The following CNKSR2 variants were observed in gnomAD, a reference collection of about 807,000 sequenced individuals.
CNKSR2 encodes the protein CNK homolog protein 2.
A neutral mutation model predicts 84.4 loss-of-function variants in CNKSR2; 14 were observed. That is an observed-to-expected ratio of 0.17 (90% CI 0.11 to 0.26). The LOEUF is 0.26. Ranked by LOEUF, CNKSR2 falls within the 10% of genes least tolerant of loss-of-function variation. CNKSR2 has a pLI of 1.00. For synonymous variants in CNKSR2, 275 were observed against 277.9 expected, an observed-to-expected ratio of 0.99 and a Z score of 0.10; for missense variants, 485 against 771.2, an observed-to-expected ratio of 0.63 and a Z score of 4.40.
intron 11 of CNKSR2, among the ~76,000 whole-genome samples, chrX:21,554,054 A>C (rs1165884332): frequency 1.8e-5 from 2 of 111,638 alleles, no homozygotes; most frequent in African/African-American, 6.5e-5. Flanking sequence ...CTATGAACAG[A>C]GACAACATTT....
intron 20 of CNKSR2, chrX:21,641,573 A>G (rs1296964659): frequency 8.5e-7 from 1 of 1,172,073 alleles, no homozygotes; most frequent in Non-Finnish European, 1.1e-6. Context: ...CTCCATGCCA[A>G]ATCGGATCCA....
rs770084913 is a variant in CNKSR2 at position 21,609,559 on chromosome X, A to AGAG, written c.2655_2657dup (p.Glu886dup). On this transcript the variant is annotated inframe_insertion, in exon 20 of 22. Coordinates refer to ENST00000379510, the MANE Select transcript of CNKSR2 (RefSeq NM_014927.5). ...ACGTGCAACCCCCAGAGGTGGAGGAAGAGGAGGAGGAGGAGGAGGAGGAAG... is the reference window on the plus strand; with the variant it reads ...ACGTGCAACCCCCAGAGGTGGAGGAAGAGGAGGAGGAGGAGGAGGAGGAGGAAG... 206 of 1,204,093 alleles carry AGAG rather than the reference A, an allele frequency of 1.7e-4. No homozygotes were observed. The highest frequency in any genetic ancestry group is 1.2e-3 in the Middle Eastern group (5 of 4,334).
At chrX:21,398,003 T>C (rs2090141307) in intron 1 of CNKSR2, among the ~76,000 whole-genome samples, 1 of 112,059 alleles carries the variant, frequency 8.9e-6, no homozygotes, top group Non-Finnish European at 1.9e-5. Context: ...TACTTCTATA[T>C]AGTAGACTTT....
intron 1 of CNKSR2, among the ~76,000 whole-genome samples, chrX:21,382,307 TTAA>T (rs1253959525): frequency 8.9e-6 from 1 of 111,912 alleles, no homozygotes; most frequent in Non-Finnish European, 1.9e-5. Flanking sequence ...TTACAAAATA[TTAA>T]TAATTTCAGG....
chrX:21,585,884 G>C (rs1339811106), intron 13 of CNKSR2, among the ~76,000 whole-genome samples: 1 of 111,771 alleles, frequency 8.9e-6, no homozygotes, highest in Non-Finnish European at 1.9e-5. Flanking sequence ...AATTTTTAGA[G>C]AATTGGACTT....
intron 2 of CNKSR2, chrX:21,427,165 C>G (rs2090576623): frequency 8.8e-6 from 1 of 113,865 alleles, no homozygotes; most frequent in East Asian, 2.8e-4. Flanking sequence ...AGCTTTAATC[C>G]CTGTACAGTT....
intron 9 of CNKSR2, 148 bp downstream of exon 9, chrX:21,516,779 T>C: frequency 2.2e-6 from 1 of 459,378 alleles, no homozygotes; most frequent in Non-Finnish European, 3.5e-6. Context: ...TCTTCACAGC[T>C]ATTCTAATAG....
At chrX:21,429,669 G>A (rs2090609315) in intron 2 of CNKSR2, 1 of 111,388 alleles carries the variant, frequency 9.0e-6, no homozygotes, top group Non-Finnish European at 1.9e-5. Context: ...AGCCTGAGGA[G>A]GGCAGATCAC....
At chrX:21,606,648 G>A in intron 18 of CNKSR2, 131 bp from the exon 19 acceptor site, 1 of 411,044 alleles carries the variant, frequency 2.4e-6, no homozygotes, top group South Asian at 5.7e-5. Context: ...CCAAGGGTAA[G>A]GTAGTGCTGG....
chrX:21,473,676 A>C (rs1167447503), intron 5 of CNKSR2, among the ~76,000 whole-genome samples: 1 of 105,655 alleles, frequency 9.5e-6, no homozygotes, highest in Admixed American at 1.0e-4. Flanking sequence ...ATAATCTGGT[A>C]GTTCTCTTTC....
intron 1 of CNKSR2, among the ~76,000 whole-genome samples, chrX:21,376,132 C>T (rs950134961): frequency 1.8e-5 from 2 of 112,311 alleles, no homozygotes; most frequent in African/African-American, 6.5e-5. Flanking sequence ...ATGAAGGAGC[C>T]CCTTCTTGGG....
At chrX:21,460,487 A>G (rs2091048201) in intron 4 of CNKSR2, among the ~76,000 whole-genome samples, 1 of 112,171 alleles carries the variant, frequency 8.9e-6, no homozygotes, top group South Asian at 3.7e-4. Flanking sequence ...ATGTATTCAT[A>G]ATCACATCAT....
At chrX:21,510,174 C>A (rs767705481) in intron 8 of CNKSR2, among the ~76,000 whole-genome samples, 1 of 111,658 alleles carries the variant, frequency 9.0e-6, no homozygotes, top group South Asian at 3.7e-4. Context: ...GTATCATCTA[C>A]ATTACATCCT....
chrX:21,643,399 G>T (rs1428286700), intron 20 of CNKSR2: 1 of 111,579 alleles, frequency 9.0e-6, no homozygotes, highest in African/African-American at 3.3e-5. Flanking sequence ...TAATTTAACA[G>T]AAATTACATG....
At chrX:21,477,506 C>T (rs1372893375) in intron 5 of CNKSR2, among the ~76,000 whole-genome samples, 1 of 110,094 alleles carries the variant, frequency 9.1e-6, no homozygotes, top group Non-Finnish European at 1.9e-5. Context: ...ATTTCATAAA[C>T]ATTCTTTGTA....
intron 1 of CNKSR2, among the ~76,000 whole-genome samples, chrX:21,420,459 T>C (rs934002930): frequency 8.9e-6 from 1 of 112,219 alleles, no homozygotes; most frequent in African/African-American, 3.2e-5. Context: ...TTCTGCTTTT[T>C]TGAAGCAGAA....
At position 21,627,288 on chromosome X, in the gene CNKSR2, C is replaced by T. The variant is rs774881670; in HGVS notation, c.2692+17671C>T. ...CAGGTGGATAATGAGGTCAGGAGAT[C>T]GAGACCATCCTGGCTAACATGGTGA... On this transcript the variant is annotated intron_variant, in intron 20 of 21. Transcript: ENST00000379510. Among the ~76,000 whole-genome samples, 141 of 108,804 alleles carry T rather than the reference C, an allele frequency of 1.3e-3. 5 individuals carry two copies. Among genetic ancestry groups the T allele is most frequent in the Non-Finnish European group, 8.8e-4 (46 of 52,346 alleles). 94.5% of individuals were successfully genotyped at this position (108,804 alleles called of 115,157 possible).
In CNKSR2 at chrX:21,496,996, T is replaced by A. The variant is rs188444512; in HGVS notation, c.682-791T>A. Among the ~76,000 whole-genome samples the A allele has an allele frequency of 2.7e-5, 3 of 111,223 alleles. No homozygotes were observed. The Admixed American group carries it at 2.9e-4, about 11-fold the overall frequency. On this transcript the variant is annotated intron_variant, in intron 6 of 21. Transcript: ENST00000379510. ...AATTATTTAATATTAAAAATGTGAA[T>A]CCCTTATTGTGATTTTTTTTCTTTA...
chrX:21,379,509 A>G (rs1027678817), intron 1 of CNKSR2, among the ~76,000 whole-genome samples: 2 of 112,430 alleles, frequency 1.8e-5, no homozygotes, highest in Non-Finnish European at 3.8e-5. Flanking sequence ...TATCTTTTCC[A>G]TATGTAGAAT....
Sources: gnomAD v4.1 joint callset for allele counts (sites outside exome capture counted in the v4.1 genomes callset) on GRCh38, gnomAD v4.1.1 for gene constraint, MANE v1.5 for transcripts, NCBI Gene and HGNC (gene_info 2026-07-23, HGNC 2026-07-21) for gene names.